The following CTNNA2 variants were observed in gnomAD, a reference collection of about 807,000 sequenced individuals.
CTNNA2 encodes the protein catenin alpha 2.
Under a neutral mutation model 101.0 loss-of-function variants are expected in CTNNA2, and 42 were observed. The ratio of observed to expected loss-of-function variants is 0.42; its 90% CI spans 0.32 to 0.54. The LOEUF is 0.54. CTNNA2 is among the 20% of genes least tolerant of loss of function. CTNNA2 has a pLI of 0.14. For missense variants in CTNNA2, 871 were observed against 1,223.1 expected (o/e 0.71, Z 4.29); for synonymous variants, 450 against 456.4 (o/e 0.99, Z 0.18).
intron 4 of CTNNA2, among the ~76,000 whole-genome samples, chr2:79,415,563 T>G (rs1308345027): frequency 3.3e-5 from 5 of 152,146 alleles, no homozygotes; most frequent in African/African-American, 1.2e-4. Context: ...GTTTTCATCC[T>G]TATGTCACAT....
At chr2:80,007,396 G>C (rs1693449632) in intron 7 of CTNNA2, among the ~76,000 whole-genome samples, 1 of 152,090 alleles carries the variant, frequency 6.6e-6, no homozygotes, top group Admixed American at 6.6e-5. Context: ...TCCATGAGAA[G>C]AAACAGGATA....
At chr2:79,595,727 G>A (rs950199360) in intron 1 of CTNNA2, among the ~76,000 whole-genome samples, 1 of 151,924 alleles carries the variant, frequency 6.6e-6, no homozygotes, top group East Asian at 1.9e-4. Flanking sequence ...GCTATTACAA[G>A]AATCTCTGAA....
chr2:80,517,768 T>C (rs1434689588), intron 9 of CTNNA2, among the ~76,000 whole-genome samples: 1 of 152,212 alleles, frequency 6.6e-6, no homozygotes, highest in Non-Finnish European at 1.5e-5. Context: ...CATTGGAGGC[T>C]TTTTGCATTG....
In CTNNA2 at chr2:80,085,568, T is replaced by C. The variant is rs182464506; in HGVS notation, c.1056+175771T>C. 3.6e-3 allele frequency among the ~76,000 whole-genome samples: 553 copies of C among 152,212 alleles called. 4 individuals carry two copies. The highest frequency in any genetic ancestry group is 0.013 in the African/African-American group (532 of 41,544). ...ACCTGTATTCCTGAGGCATGTATAATGGTTGAATTCTAAAGGCTGAGTGAT... is the reference window on the plus strand; with the variant it reads ...ACCTGTATTCCTGAGGCATGTATAACGGTTGAATTCTAAAGGCTGAGTGAT... On this transcript the variant is annotated intron_variant, in intron 7 of 18. Coordinates refer to ENST00000402739, the MANE Select transcript of CTNNA2 (RefSeq NM_001282597.3).
At position 80,053,659 on chromosome 2, in the gene CTNNA2, A is replaced by G. The variant is rs138918625; in HGVS notation, c.1056+143862A>G. Among the ~76,000 whole-genome samples the G allele has an allele frequency of 7.2e-3, 1,094 of 152,318 alleles. 11 individuals carry two copies. The highest frequency in any genetic ancestry group is 0.025 in the African/African-American group (1,041 of 41,570). ...TTCTGTCTCAGGTCTGGGATTATGCACTTCTAGCAAACTCCTAGCCCTTGA... is the reference window on the plus strand; with the variant it reads ...TTCTGTCTCAGGTCTGGGATTATGCGCTTCTAGCAAACTCCTAGCCCTTGA... On this transcript the variant is annotated intron_variant, in intron 7 of 18. Transcript: ENST00000402739.
At chr2:79,340,006 A>C (rs954401615) in intron 3 of CTNNA2, 1 of 152,214 alleles carries the variant, frequency 6.6e-6, no homozygotes, top group Non-Finnish European at 1.5e-5. Context: ...TCTCTTCTAA[A>C]GATTAGTGCG....
In CTNNA2 at chr2:80,051,355, A is replaced by G. The variant is rs1353132601; in HGVS notation, c.1056+141558A>G. On this transcript the variant is annotated intron_variant, in intron 7 of 18. Transcript: ENST00000402739. The stretch of plus-strand genomic sequence containing the variant: ...TATTGTGTATCATTTCAAAGGAAAA[A>G]TAATGGTTGGAACATGTTTCCTATG... Among the ~76,000 whole-genome samples the G allele has an allele frequency of 2.0e-5, 3 of 152,314 alleles. No homozygotes were observed. The East Asian group carries it at 5.8e-4, about 29-fold the overall frequency.
chr2:79,931,294 T>C (rs1000668563), intron 7 of CTNNA2, among the ~76,000 whole-genome samples: 15 of 152,178 alleles, frequency 9.9e-5, no homozygotes, highest in Non-Finnish European at 2.1e-4. Flanking sequence ...ATATCGGATA[T>C]GTTTTAAAAT....
intron 1 of CTNNA2, among the ~76,000 whole-genome samples, chr2:79,577,818 A>C (rs1036335803): frequency 6.6e-6 from 1 of 152,278 alleles, no homozygotes; most frequent in Non-Finnish European, 1.5e-5. Context: ...GAATACATTT[A>C]CTGTTCTAAA....
intron 9 of CTNNA2, among the ~76,000 whole-genome samples, chr2:80,504,486 A>G (rs1688117593): frequency 6.6e-6 from 1 of 152,164 alleles, no homozygotes; most frequent in Non-Finnish European, 1.5e-5. Context: ...AATCCTTTCC[A>G]TACTCTAGGG....
intron 3 of CTNNA2, among the ~76,000 whole-genome samples, chr2:79,365,120 C>CA (rs1212104168): frequency 1.3e-5 from 2 of 151,742 alleles, no homozygotes; most frequent in East Asian, 1.9e-4. Context: ...ACTAAAAATA[C>CA]AAAAAAATTA....
intron 3 of CTNNA2, among the ~76,000 whole-genome samples, chr2:79,791,894 C>G (rs76816175): frequency 0.11 from 17,118 of 152,188 alleles, 1,084 homozygotes; most frequent in Admixed American, 0.16. Flanking sequence ...ACCAGAATCT[C>G]TACCTTAGGT....
At chr2:79,552,384 GC>G (rs978813735) in intron 1 of CTNNA2, among the ~76,000 whole-genome samples, 3 of 152,160 alleles carry the variant, frequency 2.0e-5, no homozygotes, top group African/African-American at 7.2e-5. Context: ...CCACCGGTTG[GC>G]ATTGAGTGTC....
intron 4 of CTNNA2, among the ~76,000 whole-genome samples, chr2:79,420,056 T>C (rs1678524726): frequency 6.6e-6 from 1 of 152,124 alleles, no homozygotes; most frequent in Admixed American, 6.6e-5. Context: ...TGTTTTATCC[T>C]CTTGGCATTG....
At chr2:80,104,904 A>G (rs1700785414) in intron 7 of CTNNA2, among the ~76,000 whole-genome samples, 1 of 152,186 alleles carries the variant, frequency 6.6e-6, no homozygotes, top group African/African-American at 2.4e-5. Flanking sequence ...TGTTTTAATC[A>G]TCTGGGGAGG....
At chr2:80,045,733 A>G (rs1322407430) in intron 7 of CTNNA2, among the ~76,000 whole-genome samples, 2 of 152,114 alleles carry the variant, frequency 1.3e-5, no homozygotes, top group African/African-American at 2.4e-5. Flanking sequence ...CACCATTCAT[A>G]TTTGACTTTG....
At chr2:80,432,127 T>C (rs922819275) in intron 9 of CTNNA2, among the ~76,000 whole-genome samples, 2 of 152,154 alleles carry the variant, frequency 1.3e-5, no homozygotes, top group Admixed American at 1.3e-4. Flanking sequence ...AATCTTTAAA[T>C]TCTAGAGTGT....
At chr2:79,193,742 A>T (rs950782781) in intron 1 of CTNNA2, among the ~76,000 whole-genome samples, 3 of 152,196 alleles carry the variant, frequency 2.0e-5, no homozygotes, top group African/African-American at 7.2e-5. Flanking sequence ...GTGACTGTAT[A>T]TTAAGCATAA....
In CTNNA2 at chr2:79,858,061, C is replaced by G; in HGVS notation, c.347C>G (p.Ser116Trp). The G allele has an allele frequency of 6.2e-7, 1 of 1,614,080 alleles. No homozygotes were observed. The highest frequency in any genetic ancestry group is 8.5e-7 in the Non-Finnish European group (1 of 1,179,940). The change falls in exon 4 of 19, where the codon TCG becomes TGG. Residue 116 changes from serine to tryptophan, a missense_variant. Around this residue, in one of 5 missense-constraint regions of CTNNA2, gnomAD observed 647 missense variants for 831.5 expected, o/e 0.78. Coordinates refer to ENST00000402739, the MANE Select transcript of CTNNA2 (RefSeq NM_001282597.3). ...ASSEFADDPC[S>W]SVKRGTMVRA... Reference sequence around the variant, plus strand: ...TCCGAGTTTGCAGATGACCCTTGCTCGTCGGTAAAGCGCGGCACCATGGTA... The same window carrying G: ...TCCGAGTTTGCAGATGACCCTTGCTGGTCGGTAAAGCGCGGCACCATGGTA...
Sources: allele counts gnomAD v4.1 joint callset (sites outside exome capture counted in the v4.1 genomes callset), GRCh38; gene constraint gnomAD v4.1.1; regional missense constraint gnomAD v4.1.1; transcripts MANE v1.5; gene names NCBI Gene and HGNC (gene_info 2026-07-23, HGNC 2026-07-21).